The following DFFB variants were observed in gnomAD, a reference collection of about 807,000 sequenced individuals.
The protein encoded by DFFB is DNA fragmentation factor 40 kDa subunit.
DFFB carries 29 observed loss-of-function variants against 32.7 expected under a neutral mutation model. The observed-to-expected ratio is 0.89, with a 90% confidence interval of 0.66 to 1.21. The LOEUF is 1.21. DFFB is among the 50% of genes most tolerant of loss of function. DFFB has a pLI of 0.00. For synonymous variants in DFFB, 170 were observed against 177.1 expected, an observed-to-expected ratio of 0.96 and a Z score of 0.32; for missense variants, 398 against 440.6, an observed-to-expected ratio of 0.90 and a Z score of 0.87.
In DFFB at chr1:3,865,892, T is replaced by C. The variant is rs777925265; in HGVS notation, c.322T>C (p.Cys108Arg). 6 of 1,613,624 alleles carry C rather than the reference T, an allele frequency of 3.7e-6. No individual in the cohort carries two copies. Among genetic ancestry groups the C allele is most frequent in the South Asian group, 2.2e-5 (2 of 91,058 alleles). The change falls in exon 3 of 7, where the codon TGT becomes CGT. Residue 108 changes from cysteine (C) to arginine (R), a missense_variant. Physicochemically the swap from Cys to Arg is radical, Grantham distance 180. Coordinates refer to ENST00000378209, the MANE Select transcript of DFFB (RefSeq NM_004402.4). The surrounding 1 kb of genome is among the most constrained non-coding windows in gnomAD (Gnocchi z 4.7). ...GLIQAAQQLL[C>R]DEQAPQRQRL... is the part of the protein sequence containing the mutation. ...CATCCAGGCCGCCCAGCAGCTGCTG[T>C]GTGATGAGCAGGCCCCACAGAGGCA...
At chr1:3,864,567 G>A (rs543151935) in intron 2 of DFFB, among the ~76,000 whole-genome samples, 2 of 152,090 alleles carry the variant, frequency 1.3e-5, no homozygotes, top group African/African-American at 4.8e-5. Context: ...TCACTCTGTT[G>A]CCCACGTTGG....
At chr1:3,863,328 C>T (rs1054336632) in intron 2 of DFFB, among the ~76,000 whole-genome samples, 2 of 152,186 alleles carry the variant, frequency 1.3e-5, no homozygotes, top group African/African-American at 4.8e-5. Flanking sequence ...ATCAAAACCA[C>T]AGTGAGATGC....
chr1:3,867,607 C>G (rs1025838020), intron 3 of DFFB: 2 of 236,836 alleles, frequency 8.4e-6, no homozygotes, highest in Non-Finnish European at 1.7e-5. Flanking sequence ...AATCCTAGCA[C>G]TTTGGGAGGC....
chr1:3,869,841 G>A lies in DFFB; in HGVS notation c.681+66G>A, dbSNP rs931673470. 3.1e-5 allele frequency: 46 copies of A among 1,485,518 alleles called. 1 individual carries two copies. Among genetic ancestry groups the A allele is most frequent in the South Asian group, 2.0e-4 (15 of 75,706 alleles). The allele number at this position is 1,485,518 out of a possible 1,614,324, so 92.0% of individuals were successfully genotyped here. ...CTGTGGAACACAGCCCGCCTGGGGC[G>A]AGGCGGGTGGGGACCTTCAGCCCTT... On this transcript the variant is annotated intron_variant, in intron 5 of 6. Coordinates refer to ENST00000378209, the MANE Select transcript of DFFB (RefSeq NM_004402.4).
chr1:3,881,451 C>T lies in DFFB; in HGVS notation c.783-2056C>T, dbSNP rs549588910. Among the ~76,000 whole-genome samples, 10 of 152,330 alleles carry T rather than the reference C, an allele frequency of 6.6e-5. No homozygotes were observed. In the East Asian group the frequency reaches 1.9e-3, roughly 29 times the overall value. On this transcript the variant is annotated intron_variant, in intron 6 of 6. Coordinates refer to ENST00000378209, the MANE Select transcript of DFFB (RefSeq NM_004402.4). ...TCCCACCTCCCTGTCTTTCTAGGGT[C>T]CCCTGGGCCTGTATCAGGGACTGGA... is the stretch of plus-strand genomic sequence containing the variant.
intron 6 of DFFB, among the ~76,000 whole-genome samples, chr1:3,880,463 A>AC (rs1378737299): frequency 6.6e-6 from 1 of 152,032 alleles, no homozygotes; most frequent in Non-Finnish European, 1.5e-5. Context: ...GGTCTCAGGG[A>AC]CCCCTCCCTG....
In DFFB at chr1:3,865,567, G is replaced by A. The variant is rs570076940; in HGVS notation, c.242-245G>A. 41 of 623,014 alleles carry A rather than the reference G, an allele frequency of 6.6e-5. No homozygotes were observed. Among genetic ancestry groups the A allele is most frequent in the African/African-American group, 2.2e-4 (12 of 54,510 alleles). The allele number at this position is 623,014 out of a possible 1,614,324, so 38.6% of individuals were successfully genotyped here. A position where few individuals can be genotyped will look rare whatever the true frequency, so the allele number is the denominator to read the frequency against. On this transcript the variant is annotated intron_variant, in intron 2 of 6. Transcript: ENST00000378209. The surrounding 1 kb of genome is among the most constrained non-coding windows in gnomAD (Gnocchi z 4.7). ...TGGGAAAGCGGCCGTCTCTTGGTGC[G>A]CTTTCATCTGTCCTCTAAAGCACAC...
At chr1:3,879,173 T>A (rs76923925) in intron 6 of DFFB, among the ~76,000 whole-genome samples, 1 of 152,222 alleles carries the variant, frequency 6.6e-6, no homozygotes, top group Non-Finnish European at 1.5e-5. Context: ...TCTTTTGGAT[T>A]CTGCCTGGGA....
chr1:3,883,450 C>A (rs990283563), intron 6 of DFFB, 57 bp from the exon 7 acceptor site: 3 of 1,502,986 alleles, frequency 2.0e-6, no homozygotes, highest in African/African-American at 1.4e-5. Context: ...ACTGCTATGA[C>A]CTGTTGCCTG....
intron 4 of DFFB, among the ~76,000 whole-genome samples, chr1:3,868,928 A>G (rs755418709): frequency 6.6e-6 from 1 of 152,130 alleles, no homozygotes; most frequent in Non-Finnish European, 1.5e-5. Context: ...GTTCCCTTGC[A>G]TTTCCCAGCC....
At chr1:3,879,621 C>T (rs1018647106) in intron 6 of DFFB, among the ~76,000 whole-genome samples, 4 of 152,276 alleles carry the variant, frequency 2.6e-5, no homozygotes, top group Admixed American at 6.5e-5. Flanking sequence ...TAGCACCCGG[C>T]GTGCGGGCAC....
intron 2 of DFFB, among the ~76,000 whole-genome samples, chr1:3,859,636 C>A (rs975425722): frequency 1.3e-5 from 2 of 152,182 alleles, no homozygotes; most frequent in African/African-American, 4.8e-5. Flanking sequence ...ATCCATGTGG[C>A]CACCTCCCCG....
chr1:3,858,640 G>C, intron 1 of DFFB, 78 bp from the exon 2 acceptor site: 1 of 1,537,480 alleles, frequency 6.5e-7, no homozygotes, highest in East Asian at 2.3e-5. Context: ...GCTCATTCCG[G>C]TCGTTTGTGA....
chr1:3,866,403 G>A (rs911429453), intron 3 of DFFB: 15 of 260,696 alleles, frequency 5.8e-5, no homozygotes, highest in Non-Finnish European at 9.2e-5. Context: ...TTACAGGCAA[G>A]TGCAACCACG....
chr1:3,883,922 T>G lies in DFFB; in HGVS notation c.*181T>G, dbSNP rs1185062285. On this transcript the variant is annotated 3_prime_UTR_variant, in exon 7 of 7. Coordinates refer to ENST00000378209, the MANE Select transcript of DFFB (RefSeq NM_004402.4). ...ACATTTCTGAATTGTTGGGGTTTTT[T>G]TTGTTGTTTTGTTTTGTTTTGTAGA... 3 of 607,158 alleles carry G rather than the reference T, an allele frequency of 4.9e-6. No homozygotes were observed. The highest frequency in any genetic ancestry group is 8.6e-6 in the Non-Finnish European group (3 of 347,068). 37.6% of individuals were successfully genotyped at this position (607,158 alleles called of 1,614,324 possible). A position where few individuals can be genotyped will look rare whatever the true frequency, so the allele number is the denominator to read the frequency against.
At position 3,865,257 on chromosome 1, in the gene DFFB, C is replaced by T. The variant is rs1004340477; in HGVS notation, c.242-555C>T. On this transcript the variant is annotated intron_variant, in intron 2 of 6. Coordinates refer to ENST00000378209, the MANE Select transcript of DFFB (RefSeq NM_004402.4). The surrounding 1 kb of genome is among the most constrained non-coding windows in gnomAD (Gnocchi z 4.7). ...GTGAGGCTTTTCTCATATGGTGGAT[C>T]GCACTGATCGATTTGCAGGTGTGAA... is the stretch of plus-strand genomic sequence containing the variant. 5.3e-5 allele frequency among the ~76,000 whole-genome samples: 8 copies of T among 152,144 alleles called. No homozygotes were observed. Among genetic ancestry groups the T allele is most frequent in the South Asian group, 2.1e-4 (1 of 4,832 alleles).
At chr1:3,871,043 CA>C (rs1487194263) in intron 5 of DFFB, among the ~76,000 whole-genome samples, 2 of 152,186 alleles carry the variant, frequency 1.3e-5, no homozygotes, top group Non-Finnish European at 2.9e-5. Flanking sequence ...CACAGGGAAA[CA>C]TCAGGAAGCC....
chr1:3,871,694 A>T (rs932402270), intron 5 of DFFB, among the ~76,000 whole-genome samples: 15 of 152,232 alleles, frequency 9.9e-5, no homozygotes, highest in Admixed American at 9.8e-4. Flanking sequence ...GTATTAGGCC[A>T]TTCTCGCATT....
At chr1:3,883,380 T>A (rs1280682781) in intron 6 of DFFB, 127 bp from the exon 7 acceptor site, 3 of 837,004 alleles carry the variant, frequency 3.6e-6, no homozygotes, top group Non-Finnish European at 5.6e-6. Context: ...GGCCAGTAGG[T>A]GCGGCCGTGT....
Sources: allele counts gnomAD v4.1 joint callset (sites outside exome capture counted in the v4.1 genomes callset), GRCh38; gene constraint gnomAD v4.1.1; non-coding constraint Gnocchi (gnomAD v3.1); transcripts MANE v1.5; gene names NCBI Gene and HGNC (gene_info 2026-07-23, HGNC 2026-07-21).